Variants in USP20 observed in about 807,000 individuals in gnomAD.
The protein encoded by USP20 is ubiquitin carboxyl-terminal hydrolase 20.
USP20 carries 80 observed loss-of-function variants against 124.2 expected under a neutral mutation model. That is an observed-to-expected ratio of 0.64 (90% CI 0.54 to 0.78). The LOEUF is 0.78. USP20 is among the 30% of genes least tolerant of loss of function. The pLI, the probability that USP20 is intolerant of heterozygous loss-of-function variation, is 0.00. For missense variants in USP20, 1,043 were observed against 1,244.4 expected (o/e 0.84, Z 2.44); for synonymous variants, 481 against 512.3 (o/e 0.94, Z 0.83).
At chr9:129,872,595 G>A (rs758413573) in intron 15 of USP20, among the ~76,000 whole-genome samples, 2 of 152,130 alleles carry the variant, frequency 1.3e-5, no homozygotes, top group African/African-American at 4.8e-5. Flanking sequence ...AGAGATCATC[G>A]CCAGATCCAA....
chr9:129,869,080 C>T (rs1348697806), intron 12 of USP20, 78 bp downstream of exon 12: 2 of 1,497,298 alleles, frequency 1.3e-6, no homozygotes, highest in Non-Finnish European at 1.8e-6. Flanking sequence ...TCTCATGGCC[C>T]CCTGTGGCGG....
intron 15 of USP20, among the ~76,000 whole-genome samples, chr9:129,871,333 G>A (rs2034116795): frequency 1.6e-4 from 2 of 12,882 alleles, no homozygotes; most frequent in South Asian, 0.17. Context: ...CCACGTTGCA[G>A]CGTGTGTGTC....
rs35071307 is a variant in USP20 at position 129,875,412 on chromosome 9, C to G, written c.2151C>G (p.Leu717=). The G allele has an allele frequency of 1.2e-6, 2 of 1,613,708 alleles. No individual in the cohort carries two copies. Among genetic ancestry groups the G allele is most frequent in the Admixed American group, 1.7e-5 (1 of 60,014 alleles). ...GGTTCTACGTGTCCCGCGAGTGGCT[C>G]AACAAGTTCAACACCTTCGCGGAGC... ...LLRFYVSREW[L]NKFNTFAEPG... Residue 717 remains leucine (L), a synonymous_variant, in exon 20 of 26, where the codon CTC becomes CTG. Transcript: ENST00000372429.
intron 22 of USP20, among the ~76,000 whole-genome samples, chr9:129,877,459 G>C (rs2034455175): frequency 6.6e-6 from 1 of 152,210 alleles, no homozygotes; most frequent in African/African-American, 2.4e-5. Context: ...GGAGGTTGAG[G>C]CTGCAGTGAG....
At chr9:129,836,894 G>C (rs1458225017) in intron 1 of USP20, among the ~76,000 whole-genome samples, 1 of 152,136 alleles carries the variant, frequency 6.6e-6, no homozygotes, top group African/African-American at 2.4e-5. Flanking sequence ...AACGTCTGCA[G>C]CTCTCACGCT....
chr9:129,838,643 A>G (rs2032013585), intron 1 of USP20, among the ~76,000 whole-genome samples: 1 of 152,220 alleles, frequency 6.6e-6, no homozygotes, highest in South Asian at 2.1e-4. Flanking sequence ...GCTGCAGATC[A>G]TGCTGCCTGA....
rs1186894851 is a variant in USP20 at position 129,868,157 on chromosome 9, T to C, written c.843T>C (p.Asp281=). 4 of 1,613,500 alleles carry C rather than the reference T, an allele frequency of 2.5e-6. No homozygotes were observed. The African/African-American group carries it at 4.0e-5, about 16-fold the overall frequency. ...AGGGTGACCGGAGCCCATCAGAAGA[T>C]GAGTTCTTGTCCTGTGACTCGAGCA... ...KREGDRSPSE[D]EFLSCDSSSD... is the part of the protein sequence containing the mutation. Residue 281 remains aspartate (D), a synonymous_variant, in exon 11 of 26, where the codon GAT becomes GAC. Transcript: ENST00000372429.
chr9:129,857,661 T>C (rs1009630469), intron 4 of USP20, among the ~76,000 whole-genome samples: 11 of 152,176 alleles, frequency 7.2e-5, no homozygotes, highest in Non-Finnish European at 2.9e-5. Context: ...AAAATGGCTG[T>C]GAGGCCTAGG....
intron 1 of USP20, among the ~76,000 whole-genome samples, chr9:129,845,708 T>G (rs974388944): frequency 1.3e-5 from 2 of 151,720 alleles, no homozygotes; most frequent in African/African-American, 4.8e-5. Flanking sequence ...GATTATTAGA[T>G]TAGAATGATT....
Position 129,874,774 on chromosome 9 carries a change from C to T in USP20, c.1921+18C>T, listed in dbSNP as rs772218179. On this transcript the variant is annotated intron_variant, in intron 18 of 25. Transcript: ENST00000372429. ...GGCAGGCAGTGAGTCATGTCCCCTC[C>T]CCTGCCGTCCCCATCCGCTAGGATC... The T allele has an allele frequency of 6.2e-7, 1 of 1,613,758 alleles. No homozygotes were observed. The highest frequency in any genetic ancestry group is 1.1e-5 in the South Asian group (1 of 91,080).
chr9:129,845,459 G>T (rs1334709702), intron 1 of USP20, among the ~76,000 whole-genome samples: 1 of 151,914 alleles, frequency 6.6e-6, no homozygotes, highest in East Asian at 1.9e-4. Flanking sequence ...AAAAGAAAAA[G>T]AAAGAAAGGA....
intron 6 of USP20, among the ~76,000 whole-genome samples, chr9:129,860,036 A>C (rs1228397571): frequency 6.6e-6 from 1 of 152,036 alleles, no homozygotes; most frequent in Non-Finnish European, 1.5e-5. Flanking sequence ...ATCTCTTAAA[A>C]AAAGTCCACA....
intron 10 of USP20, among the ~76,000 whole-genome samples, chr9:129,867,434 A>G (rs1178231707): frequency 6.6e-6 from 1 of 152,066 alleles, no homozygotes; most frequent in Non-Finnish European, 1.5e-5. Flanking sequence ...GGAAGGTGAG[A>G]GCAGGCAGTG....
At chr9:129,837,631 A>T (rs1158029947) in intron 1 of USP20, among the ~76,000 whole-genome samples, 1 of 152,222 alleles carries the variant, frequency 6.6e-6, no homozygotes, top group Non-Finnish European at 1.5e-5. Flanking sequence ...CTCACAGTAA[A>T]GTATGTAAAG....
rs745666085 is a variant in USP20 at position 129,869,770 on chromosome 9, G to A, written c.1491G>A (p.Pro497=). ...ATTCAGCCATCTACCAGAATGTGCC[G>A]GCCAAGCCAGGCGCCTGTGGGGACA... ...KLHSAIYQNV[P]AKPGACGDSY... Residue 497 remains proline, a synonymous_variant, in exon 14 of 26, where the codon CCG becomes CCA. Coordinates refer to ENST00000372429, the MANE Select transcript of USP20 (RefSeq NM_001110303.4). The A allele has an allele frequency of 3.2e-5, 52 of 1,613,916 alleles. 1 individual carries two copies. Among genetic ancestry groups the A allele is most frequent in the South Asian group, 1.8e-4 (16 of 91,090 alleles).
At chr9:129,858,209 C>T (rs1303610427) in intron 5 of USP20, 97 bp downstream of exon 5, 19 of 1,349,726 alleles carry the variant, frequency 1.4e-5, no homozygotes, top group Middle Eastern at 1.9e-4. Flanking sequence ...ATGGCTGGGG[C>T]AATAAATGGT....
rs1488870090 is a variant in USP20, at chr9:129,865,316, G to A, written c.625G>A (p.Val209Ile). ...VWHKKRPSYV[V>I]PTSLSHGIKL... ...GGCTTCCTACAGGCCAAGCTACGTG[G>A]TCCCCACCAGTCTGTCTCATGGGAT... Residue 209 changes from valine to isoleucine, a missense_variant, in exon 10 of 26, where the codon GTC becomes ATC. By Grantham distance (29) the Val-to-Ile change is conservative. Coordinates refer to ENST00000372429, the MANE Select transcript of USP20 (RefSeq NM_001110303.4). 6.2e-7 allele frequency: 1 copy of A among 1,614,164 alleles called. No homozygotes were observed. Among genetic ancestry groups the A allele is most frequent in the Non-Finnish European group, 8.5e-7 (1 of 1,179,990 alleles).
chr9:129,849,046 G>A (rs556596432), intron 1 of USP20, among the ~76,000 whole-genome samples: 79 of 152,298 alleles, frequency 5.2e-4, no homozygotes, highest in African/African-American at 1.9e-3. Flanking sequence ...TTGAGGGTCG[G>A]GGGTTCTCAG....
At chr9:129,867,320 GGTGGCCCA>G (rs1008888424) in intron 10 of USP20, among the ~76,000 whole-genome samples, 1 of 152,202 alleles carries the variant, frequency 6.6e-6, no homozygotes, top group African/African-American at 2.4e-5. Context: ...CTGCTGTGCT[GGTGGCCCA>G]GTCACAGAGT....
Sources: gnomAD v4.1 joint callset for allele counts (sites outside exome capture counted in the v4.1 genomes callset) on GRCh38, gnomAD v4.1.1 for gene constraint, MANE v1.5 for transcripts, NCBI Gene and HGNC (gene_info 2026-07-23, HGNC 2026-07-21) for gene names.